The following PROM1 variants were observed in gnomAD, a reference collection of about 807,000 sequenced individuals.
PROM1 encodes prominin-1.
PROM1 carries 105 observed loss-of-function variants against 116.9 expected under a neutral mutation model. The observed-to-expected ratio is 0.90, with a 90% CI of 0.77 to 1.06. The LOEUF (loss-of-function observed/expected upper bound fraction) is 1.06. PROM1 is among the 50% of genes least tolerant of loss of function. The probability of loss-of-function intolerance (pLI) is 0.00; values close to 1 mark genes in which losing one functional copy is unlikely to be tolerated. For missense variants in PROM1, 1,122 were observed against 1,045.2 expected (o/e 1.07, Z -1.01); for synonymous variants, 393 against 387.0 (o/e 1.02, Z -0.18).
intron 15 of PROM1, among the ~76,000 whole-genome samples, chr4:15,995,331 CGAA>C (rs1722047709): frequency 2.8e-5 from 2 of 72,146 alleles, no homozygotes; most frequent in Admixed American, 1.8e-4. Flanking sequence ...AAGAAGAAGA[CGAA>C]GAAGACGAAG....
At chr4:16,075,339 C>T (rs1005008521) in intron 2 of PROM1, among the ~76,000 whole-genome samples, 4 of 152,206 alleles carry the variant, frequency 2.6e-5, no homozygotes, top group African/African-American at 9.6e-5. Context: ...TGATGACACA[C>T]AATTTGCATT....
At chr4:16,039,455 C>T (rs114822604) in intron 2 of PROM1, among the ~76,000 whole-genome samples, 2,781 of 152,188 alleles carry the variant, frequency 0.018, 44 homozygotes, top group Non-Finnish European at 0.028. Flanking sequence ...TAACTCAACC[C>T]GGCAGGATGC....
intron 2 of PROM1, among the ~76,000 whole-genome samples, chr4:16,061,011 C>T (rs550116981): frequency 6.6e-6 from 1 of 152,260 alleles, no homozygotes; most frequent in East Asian, 1.9e-4. Flanking sequence ...CCCCTGAGCT[C>T]TTTGCAGATA....
chr4:15,973,362 G>A lies in PROM1; in HGVS notation c.2583-2280C>T, dbSNP rs574916482. 9.9e-5 allele frequency among the ~76,000 whole-genome samples: 15 copies of A among 152,254 alleles called. No homozygotes were observed. In the South Asian group the frequency reaches 2.5e-3, roughly 25 times the overall value. On this transcript the variant is annotated intron_variant, in intron 26 of 27. Transcript: ENST00000447510. Reference sequence around the variant, plus strand: ...CTCAGGAGGCTGAAGCACAAGAATCGCTTGAACCCAGGAGGTGGAGGTTGC... The same window carrying A: ...CTCAGGAGGCTGAAGCACAAGAATCACTTGAACCCAGGAGGTGGAGGTTGC...
intron 19 of PROM1, among the ~76,000 whole-genome samples, chr4:15,988,097 C>T (rs1182136320): frequency 6.6e-6 from 1 of 152,106 alleles, no homozygotes; most frequent in Non-Finnish European, 1.5e-5. Flanking sequence ...AAGATGGTCT[C>T]GATCTCCTGA....
chr4:16,004,654 G>A (rs558500336), intron 13 of PROM1, among the ~76,000 whole-genome samples: 2 of 152,178 alleles, frequency 1.3e-5, no homozygotes, highest in East Asian at 1.9e-4. Flanking sequence ...GGCAAAAACT[G>A]CAATTACTTT....
intron 15 of PROM1, among the ~76,000 whole-genome samples, chr4:15,994,606 T>C (rs1721858230): frequency 2.0e-5 from 3 of 152,182 alleles, no homozygotes; most frequent in Non-Finnish European, 2.9e-5. Context: ...AGTTTGGCTG[T>C]AACCTAAGTC....
Position 16,057,990 on chromosome 4 carries a change from T to C in PROM1, c.220+17697A>G, listed in dbSNP as rs1739427581. Among the ~76,000 whole-genome samples, 3 of 152,130 alleles carry C rather than the reference T, an allele frequency of 2.0e-5. No individual in the cohort carries two copies. The South Asian group carries it at 6.2e-4, about 32-fold the overall frequency. On this transcript the variant is annotated intron_variant, in intron 2 of 27. Coordinates refer to ENST00000447510, the MANE Select transcript of PROM1 (RefSeq NM_006017.3). ...AAGGGTGATTCACTGTTTCAAAACT[T>C]CCCAGTAGCAGCCACCTGAAACTGT...
At position 15,980,453 on chromosome 4, in the gene PROM1, G is replaced by A. The variant is rs755446696; in HGVS notation, c.2458C>T (p.Arg820Cys). Residue 820 changes from arginine (R) to cysteine (C), a missense_variant, in exon 24 of 28, where the codon CGT (arginine) becomes TGT (cysteine). By Grantham distance (180) the Arg-to-Cys change is radical. Coordinates refer to ENST00000447510, the MANE Select transcript of PROM1 (RefSeq NM_006017.3). ...TACACGTCCTCCGAATCCATTCGAC[G>A]ATAGTACTTAGCCAGTTTTACCGCA... ...IFAVKLAKYY[R>C]RMDSEDVYDD... is the part of the protein sequence containing the mutation. 4.5e-6 allele frequency: 7 copies of A among 1,554,746 alleles called. No homozygotes were observed. The highest frequency in any genetic ancestry group is 1.4e-5 in the African/African-American group (1 of 73,206).
At chr4:16,058,591 G>A (rs554838721) in intron 2 of PROM1, among the ~76,000 whole-genome samples, 1 of 150,696 alleles carries the variant, frequency 6.6e-6, no homozygotes, top group East Asian at 2.0e-4. Context: ...AGGTTGCAGC[G>A]AGCCAAGATC....
intron 4 of PROM1, 82 bp from the exon 5 acceptor site, chr4:16,033,591 T>TTTC: frequency 8.9e-7 from 1 of 1,129,762 alleles, no homozygotes; most frequent in Non-Finnish European, 1.2e-6. Context: ...AAGTTCTTTT[T>TTTC]TTTTTTTTTT....
chr4:15,975,546 AC>A (rs1269059573), intron 26 of PROM1, among the ~76,000 whole-genome samples: 1 of 152,122 alleles, frequency 6.6e-6, no homozygotes, highest in Non-Finnish European at 1.5e-5. Flanking sequence ...CCCTCCTTCT[AC>A]AAGTGAGAAA....
At chr4:15,998,223 T>G (rs566540681) in intron 15 of PROM1, among the ~76,000 whole-genome samples, 162 bp downstream of exon 15, 6 of 152,234 alleles carry the variant, frequency 3.9e-5, no homozygotes, top group Non-Finnish European at 2.9e-5. Context: ...AGGAATATAT[T>G]TTTGATCTAA....
At position 15,984,186 on chromosome 4, in the gene PROM1, T is replaced by C. The variant is rs993174999; in HGVS notation, c.2373+77A>G. On this transcript the variant is annotated intron_variant, in intron 23 of 27. Transcript: ENST00000447510. ...TCTCTCAAGCAGAAAACAAATATTA[T>C]AATGTATATCATAATCCAGAAAAAC... 9 of 1,165,248 alleles carry C rather than the reference T, an allele frequency of 7.7e-6. No homozygotes were observed. The Admixed American group carries it at 1.7e-4, about 21-fold the overall frequency. 72.2% of individuals were successfully genotyped at this position (1,165,248 alleles called of 1,614,324 possible).
At chr4:16,070,789 G>A (rs535451588) in intron 2 of PROM1, among the ~76,000 whole-genome samples, 73 of 152,216 alleles carry the variant, frequency 4.8e-4, no homozygotes, top group African/African-American at 1.0e-3. Flanking sequence ...AAGGGAACAC[G>A]GCCCACTTAA....
chr4:16,038,172 C>T (rs1384288782), intron 3 of PROM1, among the ~76,000 whole-genome samples: 2 of 152,160 alleles, frequency 1.3e-5, no homozygotes, highest in Non-Finnish European at 2.9e-5. Flanking sequence ...GGCTATCATC[C>T]TTATCTCCAC....
At chr4:16,041,871 G>A (rs113084759) in intron 2 of PROM1, among the ~76,000 whole-genome samples, 4,465 of 150,908 alleles carry the variant, frequency 0.03, 103 homozygotes, top group Middle Eastern at 0.052. Flanking sequence ...GCCCTTAATC[G>A]TGGTTCACTG....
intron 4 of PROM1, among the ~76,000 whole-genome samples, chr4:16,034,329 T>C (rs1733507093): frequency 6.6e-6 from 1 of 152,168 alleles, no homozygotes; most frequent in Admixed American, 6.5e-5. Flanking sequence ...ACACTGGAAA[T>C]AATAATACGT....
chr4:16,052,267 T>A (rs1738061112), intron 2 of PROM1, among the ~76,000 whole-genome samples: 1 of 152,130 alleles, frequency 6.6e-6, no homozygotes, highest in African/African-American at 2.4e-5. Context: ...GTCTCCAGCC[T>A]TACTCACTGC....
Sources: gnomAD v4.1 joint callset for allele counts (sites outside exome capture counted in the v4.1 genomes callset) on GRCh38, gnomAD v4.1.1 for gene constraint, MANE v1.5 for transcripts, NCBI Gene and HGNC (gene_info 2026-07-23, HGNC 2026-07-21) for gene names.